Variants in USO1 observed in about 807,000 individuals in gnomAD.
The protein encoded by USO1 is USO1 vesicle transport factor, also known as general vesicular transport factor p115.
Under a neutral mutation model 124.5 loss-of-function variants are expected in USO1, and 57 were observed. The ratio of observed to expected loss-of-function variants is 0.46; its 90% confidence interval spans 0.37 to 0.57. The LOEUF is 0.57. Among genes scored for constraint, USO1 ranks in the 20% least tolerant of loss-of-function variants. The pLI is 0.00. For synonymous variants in USO1, 369 were observed against 362.8 expected (o/e 1.02, Z -0.19); for missense variants, 900 against 1,040.6 (o/e 0.86, Z 1.86).
intron 8 of USO1, among the ~76,000 whole-genome samples, chr4:75,780,188 G>T (rs536080839): frequency 5.3e-5 from 8 of 152,086 alleles, no homozygotes; most frequent in African/African-American, 1.4e-4. Flanking sequence ...TAGAAAAAAC[G>T]ATTTTCAAAA....
chr4:75,799,550 G>A, intron 13 of USO1, 72 bp from the exon 14 acceptor site: 1 of 1,546,242 alleles, frequency 6.5e-7, no homozygotes, highest in Non-Finnish European at 8.8e-7. Context: ...AAATGGAAGG[G>A]ATCTTAGGGC....
intron 4 of USO1, among the ~76,000 whole-genome samples, chr4:75,758,979 A>T (rs920817850): frequency 3.3e-5 from 5 of 152,248 alleles, no homozygotes; most frequent in African/African-American, 1.2e-4. Flanking sequence ...TAAAAATGAC[A>T]TTCTTTTCTT....
rs918038952 is a variant in USO1 at position 75,752,535 on chromosome 4, T to C, written c.154-5T>C. 2.1e-4 allele frequency: 84 copies of C among 398,528 alleles called. No individual in the cohort carries two copies. The Middle Eastern group carries it at 3.8e-3, about 18-fold the overall frequency. 24.7% of individuals were successfully genotyped at this position (398,528 alleles called of 1,614,324 possible). ...TTTAGTAACATTTTTATTTTTTATGTGCAGAAATACCGCTTGGAAGTGGGT... is the reference window on the plus strand; with the variant it reads ...TTTAGTAACATTTTTATTTTTTATGCGCAGAAATACCGCTTGGAAGTGGGT... On this transcript the variant is annotated splice_polypyrimidine_tract_variant and splice_region_variant and intron_variant, in intron 2 of 23. Coordinates refer to ENST00000514213, the MANE Select transcript of USO1 (RefSeq NM_003715.4).
intron 1 of USO1, among the ~76,000 whole-genome samples, chr4:75,736,307 C>CTTTTTTTTTTTTT: frequency 1.6e-5 from 1 of 63,282 alleles, no homozygotes; most frequent in Non-Finnish European, 2.9e-5. Flanking sequence ...TACAGCTTAC[C>CTTTTTTTTTTTTT]TTTTTTTTTT....
chr4:75,795,386 TTTCCTC>T, intron 13 of USO1: 1 of 701,002 alleles, frequency 1.4e-6, no homozygotes, highest in Non-Finnish European at 2.6e-6. Flanking sequence ...GCTTAGGCAT[TTTCCTC>T]TTATAGCAAA....
chr4:75,739,878 T>TAAAAATAGACCCCGTGTA (rs994203726), intron 1 of USO1, among the ~76,000 whole-genome samples: 1 of 152,102 alleles, frequency 6.6e-6, no homozygotes, highest in African/African-American at 2.4e-5. Context: ...ATTTCCCTAT[T>TAAAAATAGACCCCGTGTA]AAAAATAGAC....
At chr4:75,783,355 A>G (rs1281071021) in intron 9 of USO1, among the ~76,000 whole-genome samples, 1 of 152,206 alleles carries the variant, frequency 6.6e-6, no homozygotes, top group East Asian at 1.9e-4. Context: ...TTTAAGTCCA[A>G]AACATGTTAA....
intron 10 of USO1, among the ~76,000 whole-genome samples, chr4:75,788,051 T>C (rs1362369298): frequency 1.3e-5 from 2 of 152,102 alleles, no homozygotes; most frequent in Non-Finnish European, 2.9e-5. Context: ...GCTCTAATTC[T>C]TCCCCATGTC....
At chr4:75,799,753 A>G (rs1189406328) in intron 14 of USO1, 21 bp downstream of exon 14, 3 of 1,610,806 alleles carry the variant, frequency 1.9e-6, no homozygotes, top group Non-Finnish European at 1.7e-6. Context: ...TGTTTTAGTA[A>G]CGTACATGTA....
At chr4:75,763,119 A>G (rs1057172983) in intron 4 of USO1, among the ~76,000 whole-genome samples, 10 of 152,198 alleles carry the variant, frequency 6.6e-5, no homozygotes, top group African/African-American at 2.4e-4. Flanking sequence ...GAAGATCCAG[A>G]AATGTTTTTA....
At chr4:75,787,293 T>C (rs986041698) in intron 10 of USO1, 91 bp downstream of exon 10, 32 of 1,343,108 alleles carry the variant, frequency 2.4e-5, no homozygotes, top group Non-Finnish European at 2.8e-5. Context: ...AAAACTACAA[T>C]AGTTAACCAT....
intron 17 of USO1, among the ~76,000 whole-genome samples, chr4:75,802,736 C>CTTTTTTTTT (rs997798305): frequency 8.8e-4 from 56 of 63,714 alleles, no homozygotes; most frequent in East Asian, 1.4e-3. Context: ...TTTTTCTTTT[C>CTTTTTTTTT]TTTTTTTTTT....
chr4:75,807,631 TCA>T, intron 20 of USO1, among the ~76,000 whole-genome samples: 1 of 152,106 alleles, frequency 6.6e-6, no homozygotes, highest in Non-Finnish European at 1.5e-5. Context: ...CAATATTTGT[TCA>T]CAATGTTTTA....
chr4:75,753,928 C>T (rs1032897160), intron 3 of USO1, among the ~76,000 whole-genome samples: 1 of 151,716 alleles, frequency 6.6e-6, no homozygotes, highest in Non-Finnish European at 1.5e-5. Flanking sequence ...GTACCTGTTA[C>T]AGGTGCCCAC....
intron 8 of USO1, among the ~76,000 whole-genome samples, chr4:75,778,868 G>A (rs1722143033): frequency 6.6e-6 from 1 of 152,148 alleles, no homozygotes; most frequent in African/African-American, 2.4e-5. Flanking sequence ...GAACTGGAAA[G>A]TACAGGCATA....
At chr4:75,760,346 T>TG (rs1452097754) in intron 4 of USO1, among the ~76,000 whole-genome samples, 3 of 152,260 alleles carry the variant, frequency 2.0e-5, no homozygotes, top group Admixed American at 6.5e-5. Flanking sequence ...ATTTTAGAGT[T>TG]CTTTAGGACT....
rs1045004942 is a variant in USO1 at position 75,736,505 on chromosome 4, G to T, written c.66+11620G>T. ...TTCAGTAGAAATGGGGTTTCACCAT[G>T]TTGCCCAGGCTGGTCTCGAACTCCT... On this transcript the variant is annotated intron_variant, in intron 1 of 23. Transcript: ENST00000514213. Among the ~76,000 whole-genome samples, 3 of 151,962 alleles carry T rather than the reference G, an allele frequency of 2.0e-5. No homozygotes were observed. In the East Asian group the frequency reaches 5.8e-4, roughly 29 times the overall value.
intron 12 of USO1, among the ~76,000 whole-genome samples, chr4:75,791,828 T>C (rs1469361837): frequency 6.6e-6 from 1 of 152,122 alleles, no homozygotes; most frequent in African/African-American, 2.4e-5. Flanking sequence ...AAAATTACCA[T>C]AAAAAATTAT....
At chr4:75,771,665 T>G (rs993402541) in intron 7 of USO1, among the ~76,000 whole-genome samples, 4 of 152,246 alleles carry the variant, frequency 2.6e-5, no homozygotes, top group Non-Finnish European at 5.9e-5. Context: ...ATCCTTGCCC[T>G]TATTTGATTG....
Sources: gnomAD v4.1 joint callset for allele counts (sites outside exome capture counted in the v4.1 genomes callset) on GRCh38, gnomAD v4.1.1 for gene constraint, MANE v1.5 for transcripts, NCBI Gene and HGNC (gene_info 2026-07-23, HGNC 2026-07-21) for gene names.